KLF12: variants seen among roughly 807,000 people sequenced by gnomAD.
KLF12 encodes the protein Krueppel-like factor 12.
KLF12 carries 9 observed loss-of-function variants against 37.8 expected under a neutral mutation model. The observed-to-expected ratio is 0.24, with a 90% CI of 0.14 to 0.42. The LOEUF is 0.42. KLF12 is among the 10% of genes least tolerant of loss of function. KLF12 has a pLI of 1.00. For synonymous variants in KLF12, 208 were observed against 202.1 expected (o/e 1.03, Z -0.25); for missense variants, 411 against 516.0 (o/e 0.80, Z 1.97).
At chr13:74,204,810 A>G in the KLF12 span, among the ~76,000 whole-genome samples, 1 of 152,154 alleles carries the variant, frequency 6.6e-6, no homozygotes, top group Non-Finnish European at 1.5e-5. Flanking sequence ...TACCATCATC[A>G]CTGCGTATTT....
At chr13:74,063,412 G>A (rs1356331239) in intron 1 of KLF12, among the ~76,000 whole-genome samples, 1 of 127,112 alleles carries the variant, frequency 7.9e-6, no homozygotes, top group East Asian at 1.9e-4. Context: ...TAACCTTCAA[G>A]GACATCAAAA....
At chr13:73,910,704 C>G (rs573400713) in intron 3 of KLF12, among the ~76,000 whole-genome samples, 2 of 152,194 alleles carry the variant, frequency 1.3e-5, no homozygotes, top group South Asian at 4.1e-4. Context: ...TACCAAATAA[C>G]CAGGGGTGCT....
chr13:73,768,439 C>T (rs1018092458), intron 5 of KLF12, among the ~76,000 whole-genome samples: 1 of 152,160 alleles, frequency 6.6e-6, no homozygotes, highest in Non-Finnish European at 1.5e-5. Context: ...GTCTTACCTA[C>T]TGTGCTTATA....
intron 1 of KLF12, among the ~76,000 whole-genome samples, chr13:74,069,433 A>G (rs1450895449): frequency 6.6e-6 from 1 of 152,220 alleles, no homozygotes; most frequent in African/African-American, 2.4e-5. Context: ...ATGGTGACAC[A>G]GATGAGGTAC....
intron 7 of KLF12, among the ~76,000 whole-genome samples, chr13:73,700,202 G>A: frequency 6.6e-6 from 1 of 152,074 alleles, no homozygotes; most frequent in Non-Finnish European, 1.5e-5. Flanking sequence ...AGGAGGTGGA[G>A]GTTGCAGTGA....
At chr13:74,105,190 G>A (rs138383379) in intron 1 of KLF12, among the ~76,000 whole-genome samples, 389 of 152,084 alleles carry the variant, frequency 2.6e-3, no homozygotes, top group Non-Finnish European at 3.7e-3. Flanking sequence ...CAGACATGAC[G>A]GTCTATAAGA....
intron 5 of KLF12, among the ~76,000 whole-genome samples, chr13:73,781,420 C>T (rs1257354117): frequency 6.6e-6 from 1 of 152,112 alleles, no homozygotes; most frequent in Non-Finnish European, 1.5e-5. Context: ...TCTGTTAGAG[C>T]TAATCTTTCT....
At chr13:73,897,533 G>A (rs987279669) in intron 3 of KLF12, among the ~76,000 whole-genome samples, 2 of 149,240 alleles carry the variant, frequency 1.3e-5, no homozygotes, top group African/African-American at 4.8e-5. Flanking sequence ...TTCCAGAACA[G>A]AAACTCCTGC....
At chr13:74,248,920 G>A in the KLF12 span, among the ~76,000 whole-genome samples, 1 of 152,078 alleles carries the variant, frequency 6.6e-6, no homozygotes, top group African/African-American at 2.4e-5. Context: ...AGAAGGGTGG[G>A]GTACAGTGAA....
At chr13:73,702,719 C>A (rs1225153624) in intron 7 of KLF12, among the ~76,000 whole-genome samples, 1 of 152,120 alleles carries the variant, frequency 6.6e-6, no homozygotes, top group Non-Finnish European at 1.5e-5. Flanking sequence ...TCATTACATT[C>A]AAGGCTCAAC....
intron 1 of KLF12, among the ~76,000 whole-genome samples, chr13:74,030,139 C>T (rs899460538): frequency 1.3e-5 from 2 of 152,074 alleles, no homozygotes; most frequent in African/African-American, 4.8e-5. Flanking sequence ...GAGATTTGAA[C>T]CTCCAGGCTA....
In KLF12 at chr13:73,737,808, T is replaced by C. The variant is rs139716815; in HGVS notation, c.870-22283A>G. ...GATTAGCTAAAGAGTATGTACACTA[T>C]CAATAAGAACTAATTAAGCATTTTC... On this transcript the variant is annotated intron_variant, in intron 6 of 7. Transcript: ENST00000377669. Among the ~76,000 whole-genome samples, 59 of 152,068 alleles carry C rather than the reference T, an allele frequency of 3.9e-4. 2 individuals carry two copies. The East Asian group carries it at 9.3e-3, about 24-fold the overall frequency.
intron 3 of KLF12, among the ~76,000 whole-genome samples, chr13:73,935,050 A>G (rs7991469): frequency 0.58 from 87,253 of 151,304 alleles, 25,337 homozygotes; most frequent in Admixed American, 0.65. Context: ...CACGATCTCA[A>G]CTTATTGCAC....
intron 1 of KLF12, among the ~76,000 whole-genome samples, chr13:74,112,862 G>A (rs1012107867): frequency 5.3e-5 from 8 of 152,198 alleles, no homozygotes; most frequent in South Asian, 2.1e-4. Context: ...CAGACAGACC[G>A]AAAGCCAGGC....
intron 5 of KLF12, among the ~76,000 whole-genome samples, chr13:73,777,580 T>C (rs369510581): frequency 6.6e-6 from 1 of 151,944 alleles, no homozygotes; most frequent in African/African-American, 2.4e-5. Context: ...CGGTGGCACA[T>C]GCCAGTAATC....
the KLF12 span, among the ~76,000 whole-genome samples, chr13:74,202,368 C>T: frequency 1.3e-5 from 2 of 152,110 alleles, no homozygotes; most frequent in Non-Finnish European, 2.9e-5. Flanking sequence ...CTCCACTATT[C>T]AAGGGATTGT....
upstream of KLF12, among the ~76,000 whole-genome samples, chr13:74,135,125 C>T (rs908219381): frequency 3.9e-5 from 6 of 151,936 alleles, no homozygotes; most frequent in Non-Finnish European, 7.4e-5. Context: ...GAGCGACGCA[C>T]GTTGCGGGCG....
intron 1 of KLF12, among the ~76,000 whole-genome samples, chr13:74,085,405 C>T (rs575830073): frequency 6.6e-6 from 1 of 152,286 alleles, no homozygotes; most frequent in Admixed American, 6.5e-5. Flanking sequence ...TTACAACAAG[C>T]ACCACCATAA....
At chr13:73,776,253 A>G (rs1325465792) in intron 5 of KLF12, among the ~76,000 whole-genome samples, 2 of 152,336 alleles carry the variant, frequency 1.3e-5, no homozygotes, top group East Asian at 3.9e-4. Flanking sequence ...TCAGTACTGA[A>G]TCACAGAGCG....
Sources: gnomAD v4.1 joint callset for allele counts (sites outside exome capture counted in the v4.1 genomes callset) on GRCh38, gnomAD v4.1.1 for gene constraint, MANE v1.5 for transcripts, NCBI Gene and HGNC (gene_info 2026-07-23, HGNC 2026-07-21) for gene names.